Variants in ZNF532 observed in about 807,000 individuals in gnomAD.
The protein encoded by ZNF532 is zinc finger protein 532.
A neutral mutation model predicts 89.3 loss-of-function variants in ZNF532; 22 were observed. That is an observed-to-expected ratio of 0.25 (90% CI 0.18 to 0.35). The LOEUF is 0.35. Among genes scored for constraint, ZNF532 ranks in the 10% least tolerant of loss-of-function variants. The pLI, the probability that ZNF532 is intolerant of heterozygous loss-of-function variation, is 1.00. For synonymous variants in ZNF532, 606 were observed against 649.6 expected (o/e 0.93, Z 1.02); for missense variants, 1,132 against 1,643.4 (o/e 0.69, Z 5.38).
intron 2 of ZNF532, among the ~76,000 whole-genome samples, chr18:58,881,141 G>A (rs1307569328): frequency 1.9e-4 from 28 of 147,594 alleles, no homozygotes; most frequent in African/African-American, 6.3e-4. Flanking sequence ...TCGCTCTGTC[G>A]CCCGGGCTGG....
chr18:58,961,220 A>T lies in ZNF532; in HGVS notation c.3150+7421A>T, dbSNP rs1362116577. Among the ~76,000 whole-genome samples, 3 of 152,318 alleles carry T rather than the reference A, an allele frequency of 2.0e-5. No individual in the cohort carries two copies. In the East Asian group the frequency reaches 5.8e-4, roughly 29 times the overall value. ...ATCATTTGCATTTCTCACAAGCCCT[A>T]GCTGATGCTGATGCTGATGCTGCTC... On this transcript the variant is annotated intron_variant, in intron 7 of 9. Coordinates refer to ENST00000591808, the MANE Select transcript of ZNF532 (RefSeq NM_001375912.1).
At position 58,888,806 on chromosome 18, in the gene ZNF532, TATAA is replaced by T. The variant is rs2058594582; in HGVS notation, c.-18+23229_-18+23232del. The stretch of plus-strand genomic sequence containing the variant: ...ATATAAAATATATATAATTTATATA[TATAA>T]AAAATTATATATATAAATTATATAT... On this transcript the variant is annotated intron_variant, in intron 2 of 9. Coordinates refer to ENST00000591808, the MANE Select transcript of ZNF532 (RefSeq NM_001375912.1). Among the ~76,000 whole-genome samples the T allele has an allele frequency of 1.7e-3, 93 of 55,300 alleles. 2 individuals carry two copies. The South Asian group carries it at 0.019, about 11-fold the overall frequency. The allele number at this position is 55,300 out of a possible 152,430, so 36.3% of individuals were successfully genotyped here.
intron 2 of ZNF532, among the ~76,000 whole-genome samples, chr18:58,871,620 G>A (rs1335086418): frequency 1.3e-5 from 2 of 152,228 alleles, no homozygotes; most frequent in African/African-American, 4.8e-5. Flanking sequence ...CCCAGAGAGG[G>A]CACAGCAGGT....
chr18:58,886,887 T>C (rs1027802405), intron 2 of ZNF532, among the ~76,000 whole-genome samples: 3 of 152,190 alleles, frequency 2.0e-5, no homozygotes, highest in Non-Finnish European at 2.9e-5. Flanking sequence ...TAGAATTTAT[T>C]GGTTGTGGGT....
intron 6 of ZNF532, among the ~76,000 whole-genome samples, chr18:58,952,026 T>C (rs2064258042): frequency 6.6e-6 from 1 of 152,156 alleles, no homozygotes; most frequent in East Asian, 1.9e-4. Context: ...GGTGAGAAAA[T>C]GATAGAACCC....
Position 58,939,468 on chromosome 18 carries a change from A to G in ZNF532, c.2552A>G (p.Tyr851Cys). 6.2e-7 allele frequency: 1 copy of G among 1,613,886 alleles called. No homozygotes were observed. Among genetic ancestry groups the G allele is most frequent in the Non-Finnish European group, 8.5e-7 (1 of 1,179,952 alleles). ...AGATGTGTGCATTGCAATGTTGTGT[A>G]CTCTGATGTGGCTGCTCTGAAGTCT... is the stretch of plus-strand genomic sequence containing the variant. The part of the protein sequence containing the change: ...GFRCVHCNVV[Y>C]SDVAALKSHI... The change falls in exon 5 of 10, where the codon TAC becomes TGC. Residue 851 changes from tyrosine (Y) to cysteine (C), a missense_variant. Tyr to Cys is a radical substitution (Grantham distance 194, BLOSUM62 -2). Transcript: ENST00000591808.
rs139218147 is a variant in ZNF532, at chr18:58,893,132, C to A, written c.-17-25139C>A. On this transcript the variant is annotated intron_variant, in intron 2 of 9. Coordinates refer to ENST00000591808, the MANE Select transcript of ZNF532 (RefSeq NM_001375912.1). ...TAGCTGGGATTACAGGCGTGTGCCA[C>A]CGCACCCAGCTAATTTTTGCATTTT... 2.0e-3 allele frequency among the ~76,000 whole-genome samples: 300 copies of A among 152,178 alleles called. 2 individuals are homozygous for A. Among genetic ancestry groups the A allele is most frequent in the African/African-American group, 7.0e-3 (289 of 41,542 alleles).
intron 9 of ZNF532, among the ~76,000 whole-genome samples, chr18:58,982,503 C>G (rs1212042770): frequency 6.6e-6 from 1 of 150,858 alleles, no homozygotes; most frequent in South Asian, 2.1e-4. Flanking sequence ...CACCTGTAAT[C>G]TCCAGCTACT....
At chr18:58,944,741 T>A (rs866748595) in intron 5 of ZNF532, among the ~76,000 whole-genome samples, 18 of 150,518 alleles carry the variant, frequency 1.2e-4, no homozygotes, top group Admixed American at 3.3e-4. Flanking sequence ...ATTTGGACTT[T>A]AAAAAAAAAA....
intron 2 of ZNF532, among the ~76,000 whole-genome samples, chr18:58,890,313 A>T (rs1284872897): frequency 6.6e-6 from 1 of 151,830 alleles, no homozygotes; most frequent in Non-Finnish European, 1.5e-5. Context: ...TCTTAAGTAA[A>T]ATTAAGTACC....
At chr18:58,883,406 G>A (rs1162560202) in intron 2 of ZNF532, among the ~76,000 whole-genome samples, 1 of 152,122 alleles carries the variant, frequency 6.6e-6, no homozygotes, top group Non-Finnish European at 1.5e-5. Flanking sequence ...GCATCATTTT[G>A]GAGGATGAGA....
At chr18:58,976,720 A>G (rs1393334532) in intron 7 of ZNF532, among the ~76,000 whole-genome samples, 1 of 152,084 alleles carries the variant, frequency 6.6e-6, no homozygotes, top group Non-Finnish European at 1.5e-5. Context: ...TTTAGTAGAG[A>G]CGGGGTTTCA....
intron 2 of ZNF532, among the ~76,000 whole-genome samples, chr18:58,879,839 A>G (rs1040667008): frequency 9.9e-5 from 15 of 152,152 alleles, no homozygotes; most frequent in Admixed American, 6.5e-5. Flanking sequence ...TTGAGCACAG[A>G]GTTGTTACTT....
intron 7 of ZNF532, among the ~76,000 whole-genome samples, chr18:58,959,099 G>A (rs960391857): frequency 6.6e-6 from 1 of 152,082 alleles, no homozygotes; most frequent in African/African-American, 2.4e-5. Flanking sequence ...CACAATCTGT[G>A]ATAATTGTAA....
intron 7 of ZNF532, among the ~76,000 whole-genome samples, chr18:58,963,374 G>C (rs952888445): frequency 6.6e-6 from 1 of 152,148 alleles, no homozygotes; most frequent in East Asian, 1.9e-4. Flanking sequence ...AGTTCACTCA[G>C]AGATGTAGGT....
chr18:58,983,973 T>G lies in ZNF532; in HGVS notation c.3413T>G (p.Val1138Gly). The G allele has an allele frequency of 6.2e-7, 1 of 1,600,592 alleles. No individual in the cohort carries two copies. The highest frequency in any genetic ancestry group is 8.5e-7 in the Non-Finnish European group (1 of 1,173,374). The change falls in exon 10 of 10, where the codon GTC becomes GGC. Residue 1138 changes from valine (V) to glycine (G), a missense_variant and splice_region_variant. Val to Gly is a moderately radical substitution (Grantham distance 109). Transcript: ENST00000591808. ...EETEIKEDTKVPSPKRKLEEP... is the reference protein window; with the variant it reads ...EETEIKEDTKGPSPKRKLEEP... ...TCATTTGCTTTCTTTCCCTGAAAGG[T>G]CCCCAGTCCCAAGCGGAAGTTGGAA...
intron 2 of ZNF532, among the ~76,000 whole-genome samples, chr18:58,898,469 C>G (rs17834427): frequency 0.42 from 63,213 of 152,042 alleles, 13,524 homozygotes; most frequent in East Asian, 0.56. Flanking sequence ...TTCAAATCTA[C>G]CTCTGTCTAT....
intron 7 of ZNF532, among the ~76,000 whole-genome samples, chr18:58,965,713 T>C (rs528672097): frequency 6.6e-5 from 10 of 152,386 alleles, no homozygotes; most frequent in African/African-American, 2.2e-4. Context: ...CTGGAATTAC[T>C]TGCAGTTGCT....
At chr18:58,958,118 A>G (rs957891525) in intron 7 of ZNF532, among the ~76,000 whole-genome samples, 4 of 151,330 alleles carry the variant, frequency 2.6e-5, no homozygotes, top group Non-Finnish European at 5.9e-5. Flanking sequence ...CTAGTTATTC[A>G]GTAGCTTTTC....
Sources: allele counts gnomAD v4.1 joint callset (sites outside exome capture counted in the v4.1 genomes callset), GRCh38; gene constraint gnomAD v4.1.1; transcripts MANE v1.5; gene names NCBI Gene and HGNC (gene_info 2026-07-23, HGNC 2026-07-21).